Variants in POLRMT observed in about 807,000 individuals in gnomAD.
POLRMT encodes DNA-directed RNA polymerase, mitochondrial.
POLRMT carries 114 observed loss-of-function variants against 132.2 expected under a neutral mutation model. The observed-to-expected ratio is 0.86, with a 90% CI of 0.74 to 1.01. POLRMT has a LOEUF of 1.01. Ranked by LOEUF, POLRMT falls within the 50% of genes least tolerant of loss-of-function variation. The probability of loss-of-function intolerance (pLI) is 0.00; values close to 1 mark genes in which losing one functional copy is unlikely to be tolerated. For synonymous variants in POLRMT, 1,020 were observed against 773.4 expected, an observed-to-expected ratio of 1.32 and a Z score of -5.29; for missense variants, 2,003 against 1,729.1, an observed-to-expected ratio of 1.16 and a Z score of -2.81.
At chr19:624,940 A>T in intron 4 of POLRMT, 35 bp from the exon 5 acceptor site, 1 of 1,578,902 alleles carries the variant, frequency 6.3e-7, no homozygotes, top group Non-Finnish European at 8.6e-7. Context: ...GGGACGGGCC[A>T]GCCCCACGCT....
chr19:624,034 A>T (rs1332468705), intron 5 of POLRMT, among the ~76,000 whole-genome samples: 1 of 152,246 alleles, frequency 6.6e-6, no homozygotes, highest in Non-Finnish European at 1.5e-5. Context: ...GCTTGTACAC[A>T]AACGTTCACA....
chr19:617,375 G>A (rs749123610), intron 20 of POLRMT, 44 bp downstream of exon 20: 2 of 1,612,260 alleles, frequency 1.2e-6, no homozygotes, highest in Non-Finnish European at 1.7e-6. Flanking sequence ...CCCCGCCCTG[G>A]CCCGCAGTTC....
At position 619,773 on chromosome 19, in the gene POLRMT, G is replaced by A. The variant is rs1442473939; in HGVS notation, c.2887-8C>T. On this transcript the variant is annotated splice_region_variant and splice_polypyrimidine_tract_variant and intron_variant, in intron 12 of 20. Coordinates refer to ENST00000588649, the MANE Select transcript of POLRMT (RefSeq NM_005035.4). ...CCTACGGAACACCTCCACCTGCACG[G>A]CGGGTGGGCCGGGGGCGCGGGTCAG... 1.3e-6 allele frequency: 2 copies of A among 1,557,742 alleles called. No individual in the cohort carries two copies. Among genetic ancestry groups the A allele is most frequent in the Non-Finnish European group, 1.7e-6 (2 of 1,152,000 alleles).
chr19:621,502 C>G lies in POLRMT; in HGVS notation c.2196G>C (p.Pro732=), dbSNP rs1262118285. The G allele has an allele frequency of 7.3e-7, 1 of 1,378,344 alleles. No homozygotes were observed. Among genetic ancestry groups the G allele is most frequent in the Non-Finnish European group, 9.3e-7 (1 of 1,074,810 alleles). 85.4% of individuals were successfully genotyped at this position (1,378,344 alleles called of 1,614,324 possible). Residue 732 remains proline, a synonymous_variant, in exon 10 of 21, where the codon CCG becomes CCC. Coordinates refer to ENST00000588649, the MANE Select transcript of POLRMT (RefSeq NM_005035.4). ...QAKGCPQLGV[P]APPSEAPQPP... ...GCTGGGGCGCCTCGGAGGGCGGGGC[C>G]GGCACGCCTAGCTGGGGGCAGCCCT...
At chr19:617,364 G>GC in intron 20 of POLRMT, 41 bp from the exon 21 acceptor site, 1 of 1,612,446 alleles carries the variant, frequency 6.2e-7, no homozygotes, top group Non-Finnish European at 8.5e-7. Context: ...TGGCGGGAAA[G>GC]CCCCGCCCTG....
chr19:632,785 G>C lies in POLRMT; in HGVS notation c.193+49C>G. The C allele has an allele frequency of 2.1e-6, 3 of 1,444,658 alleles. No individual in the cohort carries two copies. In the African/African-American group the frequency reaches 4.3e-5, roughly 21 times the overall value. 89.5% of individuals were successfully genotyped at this position (1,444,658 alleles called of 1,614,324 possible). A position where few individuals can be genotyped will look rare whatever the true frequency, so the allele number is the denominator to read the frequency against. The stretch of plus-strand genomic sequence containing the variant: ...TGAGCCTTTGCCTTTTCTCCCGGCA[G>C]CAGGGAGCGGACTCTCCTCTCCCGG... On this transcript the variant is annotated intron_variant, in intron 2 of 20. Coordinates refer to ENST00000588649, the MANE Select transcript of POLRMT (RefSeq NM_005035.4).
chr19:621,980 C>T, intron 9 of POLRMT, 134 bp from the exon 10 acceptor site: 1 of 1,240,512 alleles, frequency 8.1e-7, no homozygotes, highest in African/African-American at 1.5e-5. Context: ...ACAGAAGCCA[C>T]CTCCAGAAAC....
At chr19:625,313 T>G in intron 3 of POLRMT, 59 bp from the exon 4 acceptor site, 3 of 1,600,976 alleles carry the variant, frequency 1.9e-6, no homozygotes, top group Non-Finnish European at 2.6e-6. Flanking sequence ...ACATCCTCCC[T>G]GCTCCCTGGA....
intron 2 of POLRMT, among the ~76,000 whole-genome samples, chr19:631,342 G>A (rs981505282): frequency 1.3e-5 from 2 of 150,364 alleles, no homozygotes; most frequent in Non-Finnish European, 3.0e-5. Flanking sequence ...AAAAAAAGGG[G>A]GGGGGGGACC....
In POLRMT at chr19:630,018, G is replaced by A. The variant is rs1227252632; in HGVS notation, c.344C>T (p.Thr115Ile). The A allele has an allele frequency of 1.2e-6, 2 of 1,613,728 alleles. No individual in the cohort carries two copies. Among genetic ancestry groups the A allele is most frequent in the African/African-American group, 1.3e-5 (1 of 74,938 alleles). Residue 115 changes from threonine (T) to isoleucine (I), a missense_variant, in exon 3 of 21, where the codon ACC (threonine) becomes ATC (isoleucine). Physicochemically the swap from Thr to Ile is moderately conservative, Grantham distance 89. Transcript: ENST00000588649. The part of the protein sequence containing the change: ...RKVQMGAKDA[T>I]PVPCGRWAKI... ...TGCCCAGCGGCCACAGGGCACCGGGGTGGCATCCTTGGCCCCCATCTGGAC... is the reference window on the plus strand; with the variant it reads ...TGCCCAGCGGCCACAGGGCACCGGGATGGCATCCTTGGCCCCCATCTGGAC...
chr19:623,423 G>A (rs925451148), intron 6 of POLRMT, 31 bp downstream of exon 6: 2 of 1,605,592 alleles, frequency 1.2e-6, no homozygotes, highest in Non-Finnish European at 1.7e-6. Context: ...CAGCCCCTGC[G>A]GCGGACACGG....
At chr19:624,310 A>T (rs953822298) in intron 5 of POLRMT, among the ~76,000 whole-genome samples, 4 of 152,334 alleles carry the variant, frequency 2.6e-5, no homozygotes, top group African/African-American at 9.6e-5. Context: ...GATGGGGACG[A>T]GGCTTCCTTT....
intron 16 of POLRMT, 44 bp from the exon 17 acceptor site, chr19:618,630 C>A: frequency 6.3e-7 from 1 of 1,599,258 alleles, no homozygotes; most frequent in Non-Finnish European, 8.5e-7. Flanking sequence ...CAGGGACACC[C>A]CTAACTGGCC....
In POLRMT at chr19:622,586, G is replaced by A. The variant is rs2144629936; in HGVS notation, c.1622C>T (p.Ala541Val). 1 of 1,599,884 alleles carries A rather than the reference G, an allele frequency of 6.3e-7. No individual in the cohort carries two copies. The highest frequency in any genetic ancestry group is 8.5e-7 in the Non-Finnish European group (1 of 1,173,282). The change falls in exon 8 of 21, where the codon GCC (alanine) becomes GTC (valine). Residue 541 changes from alanine to valine, a missense_variant. By Grantham distance (64) the Ala-to-Val change is moderately conservative. Transcript: ENST00000588649. Reference sequence around the variant, plus strand: ...GAGAGGGGGTGCGAGCCTCACCTCGGCGTCGGAGGCCAGCAAGCAGAGGTA... The same window carrying A: ...GAGAGGGGGTGCGAGCCTCACCTCGACGTCGGAGGCCAGCAAGCAGAGGTA... The part of the protein sequence containing the change: ...RKYLCLLASD[A>V]EVPEPCLPRQ...
chr19:621,432 C>T lies in POLRMT; in HGVS notation c.2266G>A (p.Ala756Thr). The T allele has an allele frequency of 6.8e-7, 1 of 1,465,296 alleles. No individual in the cohort carries two copies. The highest frequency in any genetic ancestry group is 2.8e-5 in the East Asian group (1 of 35,616). 90.8% of individuals were successfully genotyped at this position (1,465,296 alleles called of 1,614,324 possible). Reference sequence around the variant, plus strand: ...TGCGCCAGCTCACGGCGCAGCTCGGCCTTGCGGGCGGGCGCGGCGCTGTGC... The same window carrying T: ...TGCGCCAGCTCACGGCGCAGCTCGGTCTTGCGGGCGGGCGCGGCGCTGTGC... ...LPHSAAPARK[A>T]ELRRELAHCQ... is the part of the protein sequence containing the mutation. The change falls in exon 10 of 21, where the codon GCC becomes ACC. Residue 756 changes from alanine to threonine, a missense_variant. Coordinates refer to ENST00000588649, the MANE Select transcript of POLRMT (RefSeq NM_005035.4).
chr19:624,941 GC>G, intron 4 of POLRMT, 36 bp from the exon 5 acceptor site: 1 of 1,577,142 alleles, frequency 6.3e-7, no homozygotes. Context: ...GGACGGGCCA[GC>G]CCCACGCTGG....
chr19:619,881 AG>A, intron 12 of POLRMT, 76 bp downstream of exon 12: 1 of 1,587,626 alleles, frequency 6.3e-7, no homozygotes. Context: ...GGCCAAGGTG[AG>A]GGCACCTGGG....
chr19:628,038 G>A (rs1398311097), intron 3 of POLRMT, among the ~76,000 whole-genome samples: 2 of 151,826 alleles, frequency 1.3e-5, no homozygotes, highest in African/African-American at 2.4e-5. Flanking sequence ...GGTGGCACAC[G>A]CCTGTAATCC....
chr19:619,246 A>G lies in POLRMT; in HGVS notation c.3117T>C (p.Ser1039=), dbSNP rs538506565. 4 of 1,605,622 alleles carry G rather than the reference A, an allele frequency of 2.5e-6. No homozygotes were observed. Among genetic ancestry groups the G allele is most frequent in the Non-Finnish European group, 3.4e-6 (4 of 1,178,010 alleles). ...SHYLVRQVFK[S]LQEMFSGTRA... ...GGGTCCCCGAGAACATCTCCTGTAG[A>G]CTCTTGAAGACCTGGCGTACGAGAT... The change falls in exon 14 of 21, where the codon AGT becomes AGC. Residue 1039 remains serine, a synonymous_variant. Transcript: ENST00000588649.
Sources: allele counts gnomAD v4.1 joint callset (sites outside exome capture counted in the v4.1 genomes callset), GRCh38; gene constraint gnomAD v4.1.1; transcripts MANE v1.5; gene names NCBI Gene and HGNC (gene_info 2026-07-23, HGNC 2026-07-21).